The following FARP1 variants were observed in gnomAD, a reference collection of about 807,000 sequenced individuals.
FARP1 encodes FERM, ARH/RhoGEF and pleckstrin domain protein 1.
In FARP1, 52 loss-of-function variants were observed where a neutral mutation model predicts 128.8. That is an observed-to-expected ratio of 0.40 (90% CI 0.32 to 0.51). The LOEUF is 0.51. Among genes scored for constraint, FARP1 ranks in the 20% least tolerant of loss-of-function variants. FARP1 has a pLI of 0.45. For synonymous variants in FARP1, 580 were observed against 551.8 expected, an observed-to-expected ratio of 1.05 and a Z score of -0.72; for missense variants, 1,333 against 1,367.9, an observed-to-expected ratio of 0.97 and a Z score of 0.40.
rs1324582166 is a variant in FARP1 at position 98,393,518 on chromosome 13, G to A, written c.1089-125G>A. On this transcript the variant is annotated intron_variant, in intron 11 of 26. Coordinates refer to ENST00000319562, the MANE Select transcript of FARP1 (RefSeq NM_005766.4). ...AAGTAGCATTTGTAAAGGCGGCTCTGGGTACCATCATTATTGAGGAAGGCA... is the reference window on the plus strand; with the variant it reads ...AAGTAGCATTTGTAAAGGCGGCTCTAGGTACCATCATTATTGAGGAAGGCA... 5 of 711,116 alleles carry A rather than the reference G, an allele frequency of 7.0e-6. No individual in the cohort carries two copies. The East Asian group carries it at 1.1e-4, about 15-fold the overall frequency. The allele number at this position is 711,116 out of a possible 1,614,324, so 44.1% of individuals were successfully genotyped here.
At chr13:98,273,383 T>C (rs1884478409) in intron 2 of FARP1, among the ~76,000 whole-genome samples, 1 of 152,200 alleles carries the variant, frequency 6.6e-6, no homozygotes, top group African/African-American at 2.4e-5. Context: ...TTGCGAATCT[T>C]ATGATCTCTA....
At chr13:98,307,799 T>G (rs1451304819) in intron 2 of FARP1, among the ~76,000 whole-genome samples, 1 of 152,212 alleles carries the variant, frequency 6.6e-6, no homozygotes, top group South Asian at 2.1e-4. Flanking sequence ...CAATATTATC[T>G]TACTCTCTGC....
chr13:98,153,510 AAT>A (rs201371541), intron 1 of FARP1, among the ~76,000 whole-genome samples: 2 of 95,144 alleles, frequency 2.1e-5, no homozygotes, highest in African/African-American at 3.4e-5. Flanking sequence ...AATATGTATA[AAT>A]ATATATTTAT....
chr13:98,350,439 G>GC (rs1344581099), intron 3 of FARP1, among the ~76,000 whole-genome samples: 1 of 152,174 alleles, frequency 6.6e-6, no homozygotes, highest in African/African-American at 2.4e-5. Context: ...CTGACACTGT[G>GC]CCTTCGTGTG....
intron 2 of FARP1, among the ~76,000 whole-genome samples, chr13:98,278,992 A>ATTTTTTTT (rs34010258): frequency 3.6e-5 from 5 of 137,768 alleles, no homozygotes; most frequent in African/African-American, 1.1e-4. Flanking sequence ...CGCCCTGCTA[A>ATTTTTTTT]TTTTTTTTTT....
intron 2 of FARP1, among the ~76,000 whole-genome samples, chr13:98,300,316 G>T (rs115701076): frequency 0.013 from 2,007 of 152,276 alleles, 52 homozygotes; most frequent in African/African-American, 0.045. Context: ...GTTCCTTGGG[G>T]CCCTGGGCCA....
chr13:98,226,493 G>C (rs1555329193), intron 2 of FARP1, among the ~76,000 whole-genome samples: 1 of 142,894 alleles, frequency 7.0e-6, no homozygotes, highest in South Asian at 2.2e-4. Flanking sequence ...TTTTTTTGTG[G>C]AGGAGGGGAG....
rs1191824130 is a variant in FARP1, at chr13:98,282,295, G to GA, written c.172-61461dup. ...AGAGTGGGACCCTGTCTCAAAAAAG[G>GA]AAAAAACAAAAAACAAAAACCCCAT... On this transcript the variant is annotated intron_variant, in intron 2 of 26. Coordinates refer to ENST00000319562, the MANE Select transcript of FARP1 (RefSeq NM_005766.4). Among the ~76,000 whole-genome samples the GA allele has an allele frequency of 4.0e-5, 6 of 151,792 alleles. No homozygotes were observed. The East Asian group carries it at 1.2e-3, about 29-fold the overall frequency.
intron 15 of FARP1, among the ~76,000 whole-genome samples, chr13:98,411,209 G>A (rs1891180129): frequency 6.6e-6 from 1 of 152,258 alleles, no homozygotes; most frequent in East Asian, 1.9e-4. Context: ...AATAAATTGA[G>A]CCTTGTCCGC....
intron 2 of FARP1, among the ~76,000 whole-genome samples, chr13:98,258,067 G>A (rs1883695897): frequency 6.6e-6 from 1 of 152,024 alleles, no homozygotes; most frequent in African/African-American, 2.4e-5. Flanking sequence ...TCTGCCTCCT[G>A]GGTTCACGCC....
At chr13:98,201,653 C>T (rs540753058) in intron 1 of FARP1, among the ~76,000 whole-genome samples, 1 of 152,234 alleles carries the variant, frequency 6.6e-6, no homozygotes, top group East Asian at 1.9e-4. Flanking sequence ...TAGAACTGGA[C>T]ATTTGAAATA....
intron 2 of FARP1, among the ~76,000 whole-genome samples, chr13:98,318,660 T>G (rs1021782267): frequency 6.6e-6 from 1 of 152,198 alleles, no homozygotes; most frequent in East Asian, 1.9e-4. Context: ...TGACCTTGCA[T>G]GGCGCCAGGT....
intron 1 of FARP1, among the ~76,000 whole-genome samples, chr13:98,171,058 C>G (rs746392728): frequency 1.3e-5 from 2 of 152,154 alleles, no homozygotes; most frequent in Non-Finnish European, 2.9e-5. Flanking sequence ...ATTCTACCAG[C>G]CCTGCCTGGA....
chr13:98,148,108 G>T (rs1875709332), intron 1 of FARP1, among the ~76,000 whole-genome samples: 1 of 152,132 alleles, frequency 6.6e-6, no homozygotes, highest in Non-Finnish European at 1.5e-5. Context: ...ATAAGGTGCG[G>T]TGGCTCACGC....
rs112489424 is a variant in FARP1 at position 98,215,797 on chromosome 13, CT to C, written c.171+2396del. On this transcript the variant is annotated intron_variant, in intron 2 of 26. Coordinates refer to ENST00000319562, the MANE Select transcript of FARP1 (RefSeq NM_005766.4). ...CCTCCATTCATATTTTTCTTTTTCT[CT>C]TTTTTTTTTTTGAGACGGAGTCTTG... Among the ~76,000 whole-genome samples, 188 of 145,482 alleles carry C rather than the reference CT, an allele frequency of 1.3e-3. 3 individuals carry two copies. Among genetic ancestry groups the C allele is most frequent in the East Asian group, 0.012 (60 of 5,016 alleles).
chr13:98,195,413 A>G (rs1197893484), intron 1 of FARP1, among the ~76,000 whole-genome samples: 6 of 152,140 alleles, frequency 3.9e-5, no homozygotes, highest in Non-Finnish European at 5.9e-5. Flanking sequence ...TTTGCCCACT[A>G]GTGTCTACTG....
intron 7 of FARP1, 144 bp downstream of exon 7, chr13:98,384,988 T>G (rs937520258): frequency 4.9e-6 from 3 of 617,018 alleles, no homozygotes; most frequent in Non-Finnish European, 8.7e-6. Context: ...CAGAGGCTCA[T>G]TGGGATGTGG....
chr13:98,388,023 G>A (rs1890165654), intron 8 of FARP1, among the ~76,000 whole-genome samples: 1 of 152,216 alleles, frequency 6.6e-6, no homozygotes, highest in South Asian at 2.1e-4. Context: ...TTAAGATACA[G>A]TATATAAAGC....
At chr13:98,252,493 G>A (rs750866830) in intron 2 of FARP1, among the ~76,000 whole-genome samples, 1 of 152,264 alleles carries the variant, frequency 6.6e-6, no homozygotes. Context: ...ACTTTGACTT[G>A]TACCTCAAAG....
Sources: allele counts gnomAD v4.1 joint callset (sites outside exome capture counted in the v4.1 genomes callset), GRCh38; gene constraint gnomAD v4.1.1; transcripts MANE v1.5; gene names NCBI Gene and HGNC (gene_info 2026-07-23, HGNC 2026-07-21).